The following PRKN variants were observed in gnomAD, a reference collection of about 807,000 sequenced individuals.
PRKN encodes E3 ubiquitin-protein ligase parkin.
Under a neutral mutation model 59.5 loss-of-function variants are expected in PRKN, and 56 were observed. That is an observed-to-expected ratio of 0.94 (90% CI 0.76 to 1.18). The LOEUF (loss-of-function observed/expected upper bound fraction) is 1.18. Among genes scored for constraint, PRKN ranks in the 50% most tolerant of loss-of-function variants. The pLI, the probability that PRKN is intolerant of heterozygous loss-of-function variation, is 0.00. For missense variants in PRKN, 657 were observed against 596.4 expected (o/e 1.10, Z -1.06); for synonymous variants, 250 against 222.1 (o/e 1.13, Z -1.12).
intron 1 of PRKN, among the ~76,000 whole-genome samples, chr6:162,528,325 A>C (rs1279591832): frequency 6.8e-6 from 1 of 146,674 alleles, no homozygotes; most frequent in Admixed American, 6.7e-5. Flanking sequence ...TCTCAAAAGA[A>C]AAAAAAAAAA....
At chr6:161,793,521 A>ACCGG (rs1374645296) in intron 6 of PRKN, among the ~76,000 whole-genome samples, 1 of 151,540 alleles carries the variant, frequency 6.6e-6, no homozygotes, top group Non-Finnish European at 1.5e-5. Flanking sequence ...AACACAGTGG[A>ACCGG]CCGGCCACTA....
At chr6:162,420,630 T>A (rs1319840921) in intron 2 of PRKN, among the ~76,000 whole-genome samples, 1 of 152,124 alleles carries the variant, frequency 6.6e-6, no homozygotes, top group African/African-American at 2.4e-5. Context: ...TTCTGAGGAG[T>A]AATATGGTAT....
intron 1 of PRKN, among the ~76,000 whole-genome samples, chr6:162,515,646 C>T (rs1444432666): frequency 1.3e-5 from 2 of 152,116 alleles, no homozygotes; most frequent in African/African-American, 2.4e-5. Flanking sequence ...AGTTGGTTAT[C>T]GGGTACATTG....
At chr6:161,813,606 C>T (rs1039521931) in intron 6 of PRKN, among the ~76,000 whole-genome samples, 2 of 152,200 alleles carry the variant, frequency 1.3e-5, no homozygotes, top group Non-Finnish European at 2.9e-5. Context: ...ATCACCATGA[C>T]GACTCTCTGC....
At chr6:162,051,609 G>A (rs531805660) in intron 5 of PRKN, among the ~76,000 whole-genome samples, 34 of 152,266 alleles carry the variant, frequency 2.2e-4, no homozygotes, top group South Asian at 8.3e-4. Flanking sequence ...CCCATGCCAA[G>A]GGCCACAGAG....
intron 6 of PRKN, among the ~76,000 whole-genome samples, chr6:161,868,015 C>A (rs1038387845): frequency 9.9e-5 from 15 of 151,728 alleles, no homozygotes; most frequent in African/African-American, 3.6e-4. Context: ...CCACCCTCGG[C>A]CTCCCAAAGT....
At chr6:161,504,935 T>C (rs1014800532) in intron 9 of PRKN, among the ~76,000 whole-genome samples, 1 of 146,718 alleles carries the variant, frequency 6.8e-6, no homozygotes, top group African/African-American at 2.5e-5. Context: ...TGTTGGACAT[T>C]TGGGTTGGTT....
chr6:162,286,760 C>T (rs1426149579), intron 2 of PRKN, among the ~76,000 whole-genome samples: 4 of 152,108 alleles, frequency 2.6e-5, no homozygotes, highest in Non-Finnish European at 4.4e-5. Context: ...AAGTAGCTGG[C>T]GTTTAAACAG....
intron 1 of PRKN, among the ~76,000 whole-genome samples, chr6:162,614,781 AAAG>A (rs1173256440): frequency 2.0e-5 from 3 of 152,192 alleles, no homozygotes; most frequent in Non-Finnish European, 4.4e-5. Context: ...TTTTTTTAAA[AAAG>A]AAACTGAAAG....
chr6:162,576,849 C>T (rs1378071667), intron 1 of PRKN, among the ~76,000 whole-genome samples: 1 of 144,006 alleles, frequency 6.9e-6, no homozygotes. Flanking sequence ...ACTTATTGTA[C>T]ATTTTGAATA....
chr6:161,370,538 G>A (rs1304478077), intron 10 of PRKN, among the ~76,000 whole-genome samples: 2 of 141,930 alleles, frequency 1.4e-5, no homozygotes, highest in Non-Finnish European at 3.0e-5. Context: ...CTTGCAGTGA[G>A]CCGAGATCGC....
At chr6:161,906,121 G>A (rs1052516408) in intron 6 of PRKN, among the ~76,000 whole-genome samples, 2 of 152,130 alleles carry the variant, frequency 1.3e-5, no homozygotes, top group Non-Finnish European at 2.9e-5. Flanking sequence ...GTATGGGCCA[G>A]TATGCTCAGC....
intron 2 of PRKN, among the ~76,000 whole-genome samples, chr6:162,323,108 T>C (rs1458590813): frequency 1.4e-5 from 2 of 147,332 alleles, no homozygotes; most frequent in Non-Finnish European, 3.0e-5. Context: ...CACTGGGAGA[T>C]ATACCTAATG....
chr6:162,129,693 T>C (rs1305571072), intron 4 of PRKN, among the ~76,000 whole-genome samples: 1 of 152,200 alleles, frequency 6.6e-6, no homozygotes, highest in Non-Finnish European at 1.5e-5. Context: ...CACTTTACTA[T>C]AAAATACTTT....
chr6:161,686,424 G>A (rs751826757), intron 7 of PRKN, among the ~76,000 whole-genome samples: 7 of 152,100 alleles, frequency 4.6e-5, no homozygotes, highest in Non-Finnish European at 8.8e-5. Context: ...AACCCTTTGC[G>A]TAAAAATTAC....
intron 1 of PRKN, among the ~76,000 whole-genome samples, chr6:162,586,875 C>T (rs1781082667): frequency 6.6e-6 from 1 of 152,120 alleles, no homozygotes; most frequent in South Asian, 2.1e-4. Flanking sequence ...GAGTTCAGTT[C>T]CATCAACACT....
chr6:162,235,727 C>T (rs184170033), intron 3 of PRKN, among the ~76,000 whole-genome samples: 70 of 151,562 alleles, frequency 4.6e-4, no homozygotes, highest in Middle Eastern at 3.4e-3. Context: ...TGCTTGAAGC[C>T]GGGAGGTGGA....
chr6:161,686,569 C>G (rs780252664), intron 7 of PRKN, among the ~76,000 whole-genome samples: 12 of 152,176 alleles, frequency 7.9e-5, no homozygotes, highest in Non-Finnish European at 1.5e-4. Flanking sequence ...TTACCATGAT[C>G]TACGGAATAA....
chr6:161,924,961 C>T (rs979822296), intron 6 of PRKN, among the ~76,000 whole-genome samples: 2 of 152,186 alleles, frequency 1.3e-5, no homozygotes, highest in Non-Finnish European at 2.9e-5. Context: ...AGGCTGGGAA[C>T]ATGCCCAGAA....
Sources: gnomAD v4.1 joint callset for allele counts (sites outside exome capture counted in the v4.1 genomes callset) on GRCh38, gnomAD v4.1.1 for gene constraint, MANE v1.5 for transcripts, NCBI Gene and HGNC (gene_info 2026-07-23, HGNC 2026-07-21) for gene names.